ULK4: variants seen among roughly 807,000 people sequenced by gnomAD.
ULK4 encodes inactive serine/threonine-protein kinase ULK4.
In ULK4, 133 loss-of-function variants were observed where a neutral mutation model predicts 160.6. The ratio of observed to expected loss-of-function variants is 0.83; its 90% CI spans 0.72 to 0.96. The LOEUF (loss-of-function observed/expected upper bound fraction) is 0.96, where lower values mean the gene tolerates loss of function less well. Ranked by LOEUF, ULK4 falls within the 40% of genes least tolerant of loss-of-function variation. The pLI, the probability that ULK4 is intolerant of heterozygous loss-of-function variation, is 0.00. For missense variants in ULK4, 1,580 were observed against 1,499.5 expected, an observed-to-expected ratio of 1.05 and a Z score of -0.89; for synonymous variants, 534 against 539.8, an observed-to-expected ratio of 0.99 and a Z score of 0.15.
At chr3:41,585,910 C>T (rs1331221476) in intron 31 of ULK4, among the ~76,000 whole-genome samples, 2 of 152,116 alleles carry the variant, frequency 1.3e-5, no homozygotes, top group African/African-American at 4.8e-5. Flanking sequence ...TGAAAAGATG[C>T]TCAGCATCAC....
At chr3:41,840,215 G>C (rs1456596417) in intron 17 of ULK4, among the ~76,000 whole-genome samples, 1 of 152,194 alleles carries the variant, frequency 6.6e-6, no homozygotes, top group Non-Finnish European at 1.5e-5. Flanking sequence ...GATGGCTTGA[G>C]TTCAGGTGTT....
chr3:41,613,576 A>G (rs1230969763), intron 31 of ULK4, among the ~76,000 whole-genome samples: 1 of 152,214 alleles, frequency 6.6e-6, no homozygotes, highest in African/African-American at 2.4e-5. Flanking sequence ...TAGCTTGGTG[A>G]CAACAATTTT....
At chr3:41,446,554 G>T (rs907612088) in intron 34 of ULK4, among the ~76,000 whole-genome samples, 4 of 151,886 alleles carry the variant, frequency 2.6e-5, no homozygotes, top group African/African-American at 9.7e-5. Context: ...CCATAAAAAA[G>T]GATGAGTTCA....
intron 2 of ULK4, among the ~76,000 whole-genome samples, chr3:41,939,135 A>ACAAAGCAAG (rs1335097316): frequency 1.3e-5 from 2 of 151,272 alleles, no homozygotes; most frequent in African/African-American, 4.8e-5. Context: ...CTAGAAGGAA[A>ACAAAGCAAG]CAAAGCAAGA....
chr3:41,450,789 A>G (rs1433085235), intron 34 of ULK4, among the ~76,000 whole-genome samples: 1 of 152,194 alleles, frequency 6.6e-6, no homozygotes, highest in Non-Finnish European at 1.5e-5. Context: ...ATACACAGCT[A>G]TAAATGTGTG....
chr3:41,715,839 T>A (rs974311370), intron 23 of ULK4, among the ~76,000 whole-genome samples: 1 of 136,872 alleles, frequency 7.3e-6, no homozygotes, highest in Non-Finnish European at 1.5e-5. Flanking sequence ...AATAGAGTAA[T>A]AGCTTTAGAA....
chr3:41,858,359 C>G (rs970085481), intron 17 of ULK4, among the ~76,000 whole-genome samples: 1 of 151,212 alleles, frequency 6.6e-6, no homozygotes, highest in African/African-American at 2.4e-5. Flanking sequence ...ACCATGTTGG[C>G]CAGGCTGGTC....
At chr3:41,449,231 A>G (rs1302265274) in intron 34 of ULK4, among the ~76,000 whole-genome samples, 1 of 143,312 alleles carries the variant, frequency 7.0e-6, no homozygotes, top group Non-Finnish European at 1.5e-5. Context: ...AGTTTTATTT[A>G]AAAATTTTTT....
intron 30 of ULK4, among the ~76,000 whole-genome samples, chr3:41,648,963 A>C (rs2034625277): frequency 6.6e-6 from 1 of 151,994 alleles, no homozygotes; most frequent in South Asian, 2.1e-4. Flanking sequence ...CCCCACATCT[A>C]CTGAAAATAC....
intron 29 of ULK4, among the ~76,000 whole-genome samples, chr3:41,677,446 C>G (rs1172358766): frequency 6.6e-6 from 1 of 151,848 alleles, no homozygotes; most frequent in Non-Finnish European, 1.5e-5. Flanking sequence ...ATTCTCCTGC[C>G]TCAGCCTCCC....
intron 20 of ULK4, 47 bp downstream of exon 20, chr3:41,800,085 T>C (rs750040811): frequency 1.4e-6 from 2 of 1,449,510 alleles, no homozygotes; most frequent in Non-Finnish European, 1.8e-6. Flanking sequence ...TCAAACTTGC[T>C]GTTTAAAGAT....
chr3:41,627,924 T>C (rs1464958508), intron 30 of ULK4, among the ~76,000 whole-genome samples: 8 of 152,142 alleles, frequency 5.3e-5, no homozygotes, highest in Admixed American at 2.6e-4. Flanking sequence ...CAGGAGAGCA[T>C]TGTAAAAGGT....
At chr3:41,910,789 G>T (rs1008270101) in intron 11 of ULK4, among the ~76,000 whole-genome samples, 5 of 151,968 alleles carry the variant, frequency 3.3e-5, no homozygotes, top group Non-Finnish European at 5.9e-5. Flanking sequence ...GAGCAACACG[G>T]CAAAACACCA....
chr3:41,691,943 C>CTTTTTT lies in ULK4; in HGVS notation c.2782-10145_2782-10140dup, dbSNP rs751734628. On this transcript the variant is annotated intron_variant, in intron 27 of 36. Coordinates refer to ENST00000301831, the MANE Select transcript of ULK4 (RefSeq NM_017886.4). ...AAAAATTATCTTCATCAAATCACTT[C>CTTTTTT]TTTTTTTTTTTTTTTTTTTTTTTTT... Among the ~76,000 whole-genome samples the CTTTTTT allele has an allele frequency of 6.2e-5, 6 of 96,352 alleles. 1 individual carries two copies. The highest frequency in any genetic ancestry group is 1.7e-4 in the African/African-American group (3 of 17,610). 63.2% of individuals were successfully genotyped at this position (96,352 alleles called of 152,430 possible).
chr3:41,811,314 G>C (rs1217200944), intron 19 of ULK4, among the ~76,000 whole-genome samples: 1 of 152,102 alleles, frequency 6.6e-6, no homozygotes, highest in African/African-American at 2.4e-5. Context: ...CTACTAAGTA[G>C]GTAGGACTAT....
At chr3:41,845,217 G>A (rs1012729514) in intron 17 of ULK4, among the ~76,000 whole-genome samples, 6 of 152,060 alleles carry the variant, frequency 3.9e-5, no homozygotes, top group South Asian at 2.1e-4. Flanking sequence ...CACCCGTCTC[G>A]GCCCCCAAAG....
intron 32 of ULK4, among the ~76,000 whole-genome samples, chr3:41,556,487 C>CTTTTTTTTTTTTTTTTTTTTTTTTTTTT (rs34888775): frequency 8.5e-6 from 1 of 117,082 alleles, no homozygotes; most frequent in African/African-American, 3.3e-5. Context: ...CTCTACCAAA[C>CTTTTTTTTTTTTTTTTTTTTTTTTTTTT]TTTTTTTTTT....
chr3:41,445,962 C>T (rs900203592), intron 34 of ULK4, among the ~76,000 whole-genome samples: 79 of 151,678 alleles, frequency 5.2e-4, no homozygotes, highest in Middle Eastern at 3.4e-3. Context: ...AGAAAATTTT[C>T]GCAACCTACT....
At chr3:41,544,447 G>T (rs2086793398) in intron 32 of ULK4, among the ~76,000 whole-genome samples, 1 of 152,206 alleles carries the variant, frequency 6.6e-6, no homozygotes, top group Non-Finnish European at 1.5e-5. Flanking sequence ...TCAGCCAGAA[G>T]AGAGACTGGG....
Sources: gnomAD v4.1 joint callset for allele counts (sites outside exome capture counted in the v4.1 genomes callset) on GRCh38, gnomAD v4.1.1 for gene constraint, MANE v1.5 for transcripts, NCBI Gene and HGNC (gene_info 2026-07-23, HGNC 2026-07-21) for gene names.